Variants in DHX32 observed in about 807,000 individuals in gnomAD.
The protein encoded by DHX32 is DEAH-box helicase 32 (putative), also known as putative pre-mRNA-splicing factor ATP-dependent RNA helicase DHX32.
Under a neutral mutation model 70.0 loss-of-function variants are expected in DHX32, and 51 were observed. The observed-to-expected ratio is 0.73, with a 90% CI of 0.58 to 0.92. DHX32 has a LOEUF of 0.92. DHX32 is among the 40% of genes least tolerant of loss of function. The pLI, the probability that DHX32 is intolerant of heterozygous loss-of-function variation, is 0.00. For synonymous variants in DHX32, 310 were observed against 315.3 expected (o/e 0.98, Z 0.18); for missense variants, 762 against 891.8 (o/e 0.85, Z 1.85).
At chr10:125,838,144 A>G in intron 10 of DHX32, 62 bp downstream of exon 10, 1 of 1,457,358 alleles carries the variant, frequency 6.9e-7, no homozygotes, top group African/African-American at 1.4e-5. Flanking sequence ...CAAATTTGTC[A>G]TTTACTCCTA....
intron 1 of DHX32, among the ~76,000 whole-genome samples, chr10:125,878,355 T>C (rs935188978): frequency 8.5e-5 from 13 of 152,226 alleles, no homozygotes; most frequent in African/African-American, 2.9e-4. Context: ...AAAGAAGACA[T>C]CGACTTACAT....
chr10:125,867,564 G>A (rs1001860556), intron 1 of DHX32, among the ~76,000 whole-genome samples: 21 of 152,106 alleles, frequency 1.4e-4, no homozygotes, highest in African/African-American at 3.4e-4. Context: ...GTGAAACCCC[G>A]TCTCTACTTA....
chr10:125,846,928 C>T (rs535328002), intron 6 of DHX32, among the ~76,000 whole-genome samples: 63 of 152,268 alleles, frequency 4.1e-4, no homozygotes, highest in Non-Finnish European at 6.5e-4. Context: ...TAGTACCCAT[C>T]GCGGCCTGGG....
intron 2 of DHX32, among the ~76,000 whole-genome samples, chr10:125,865,965 C>T (rs11244678): frequency 0.38 from 57,186 of 152,116 alleles, 11,243 homozygotes; most frequent in Non-Finnish European, 0.44. Context: ...GATATGAGCA[C>T]GTGAAAAACC....
intron 1 of DHX32, among the ~76,000 whole-genome samples, chr10:125,870,246 A>G (rs1206182403): frequency 6.6e-6 from 1 of 152,124 alleles, no homozygotes; most frequent in African/African-American, 2.4e-5. Flanking sequence ...GCAAGGCAGG[A>G]GGCTAAGGGA....
Position 125,867,090 on chromosome 10 carries a change from G to A in DHX32, c.376C>T (p.Leu126Phe), listed in dbSNP as rs1164181189. Residue 126 changes from leucine to phenylalanine, a missense_variant, in exon 2 of 11, where the codon CTC becomes TTC. Physicochemically the swap from Leu to Phe is conservative, Grantham distance 22 (BLOSUM62 0). This residue lies in a region of DHX32 where 394 missense variants were observed against 473.1 expected (regional missense o/e 0.83). Transcript: ENST00000284690. ...ATTTCATCCGCCACCCGCAGGGCGA[G>A]CTGGACCACAGTCTGCTTGTGGACC... ...TQVHKQTVVQ[L>F]ALRVADEMDV... 1.2e-6 allele frequency: 2 copies of A among 1,614,108 alleles called. No individual in the cohort carries two copies. Among genetic ancestry groups the A allele is most frequent in the Admixed American group, 3.3e-5 (2 of 60,010 alleles).
chr10:125,853,950 AT>A lies in DHX32; in HGVS notation c.1092+10del, dbSNP rs1224478045. The A allele has an allele frequency of 1.2e-6, 2 of 1,612,516 alleles. No homozygotes were observed. ...ATCAGCAGTCTGTTTAGCCTACTCA[AT>A]AATAATTACCTTTCTTCTTTCCACA... is the stretch of plus-strand genomic sequence containing the variant. On this transcript the variant is annotated intron_variant, in intron 4 of 10. Coordinates refer to ENST00000284690, the MANE Select transcript of DHX32 (RefSeq NM_018180.3).
At chr10:125,853,125 G>A in intron 4 of DHX32, 2 of 1,600,566 alleles carry the variant, frequency 1.2e-6, no homozygotes, top group African/African-American at 1.3e-5. Context: ...TTCCTTACAG[G>A]TGGTTCACGG....
At chr10:125,853,373 T>TC (rs1462940732) in intron 4 of DHX32, 5 of 488,156 alleles carry the variant, frequency 1.0e-5, no homozygotes, top group Non-Finnish European at 1.8e-5. Context: ...TTCTGAAGTC[T>TC]CAGTGTCTTT....
upstream of DHX32, among the ~76,000 whole-genome samples, chr10:125,883,588 C>T (rs1372550975): frequency 6.6e-6 from 1 of 152,112 alleles, no homozygotes; most frequent in Non-Finnish European, 1.5e-5. Context: ...ATGACTGCAA[C>T]CCCAGCCAAC....
intron 2 of DHX32, among the ~76,000 whole-genome samples, chr10:125,862,821 T>A (rs565645089): frequency 6.6e-6 from 1 of 151,748 alleles, no homozygotes; most frequent in African/African-American, 2.4e-5. Context: ...CACAACTGCA[T>A]CCCAGTCTGT....
intron 4 of DHX32, 141 bp downstream of exon 4, chr10:125,853,820 C>T (rs192423820): frequency 1.0e-6 from 1 of 984,844 alleles, no homozygotes; most frequent in Non-Finnish European, 1.5e-6. Context: ...AATAATTCTT[C>T]TTTGCACTCA....
At chr10:125,885,569 G>A (rs1443982155), upstream of DHX32, among the ~76,000 whole-genome samples, 1 of 152,168 alleles carries the variant, frequency 6.6e-6, no homozygotes, top group Non-Finnish European at 1.5e-5. Flanking sequence ...GGAGCTAGAA[G>A]AGGCAAGGAA....
At chr10:125,863,165 A>G (rs996265637) in intron 2 of DHX32, among the ~76,000 whole-genome samples, 1 of 151,860 alleles carries the variant, frequency 6.6e-6, no homozygotes, top group Admixed American at 6.6e-5. Flanking sequence ...AAAACAGAAA[A>G]GACCACCATT....
chr10:125,862,265 G>A (rs950868870), intron 2 of DHX32, among the ~76,000 whole-genome samples: 6 of 152,210 alleles, frequency 3.9e-5, no homozygotes, highest in Admixed American at 2.6e-4. Flanking sequence ...TGAGATCAAA[G>A]TGTATGCCCT....
At chr10:125,873,639 T>G (rs868088247) in intron 1 of DHX32, among the ~76,000 whole-genome samples, 1 of 152,204 alleles carries the variant, frequency 6.6e-6, no homozygotes, top group Non-Finnish European at 1.5e-5. Context: ...GTTTTTAAGT[T>G]TGCAAGTCTT....
intron 1 of DHX32, among the ~76,000 whole-genome samples, chr10:125,873,651 A>C (rs1944268417): frequency 6.6e-6 from 1 of 152,210 alleles, no homozygotes; most frequent in Non-Finnish European, 1.5e-5. Flanking sequence ...GCAAGTCTTA[A>C]TGGTTTCAAC....
At chr10:125,850,094 CAGCT>C (rs944235739) in intron 6 of DHX32, among the ~76,000 whole-genome samples, 1 of 148,398 alleles carries the variant, frequency 6.7e-6, no homozygotes. Context: ...GCTTCCCAAA[CAGCT>C]AGTACTACAG....
rs140992376 is a variant in DHX32 at position 125,852,903 on chromosome 10, T to C, written c.1093-261A>G. Among the ~76,000 whole-genome samples the C allele has an allele frequency of 2.1e-4, 32 of 152,350 alleles. No homozygotes were observed. In the East Asian group the frequency reaches 2.7e-3, roughly 13 times the overall value. On this transcript the variant is annotated intron_variant, in intron 4 of 10. Transcript: ENST00000284690. Reference sequence around the variant, plus strand: ...ACCTTTGTGTCATCTGCTGAAATACTAGCACTGTCACTTCTCAAAGCACTG... The same window carrying C: ...ACCTTTGTGTCATCTGCTGAAATACCAGCACTGTCACTTCTCAAAGCACTG...
Sources: allele counts gnomAD v4.1 joint callset (sites outside exome capture counted in the v4.1 genomes callset), GRCh38; gene constraint gnomAD v4.1.1; regional missense constraint gnomAD v4.1.1; transcripts MANE v1.5; gene names NCBI Gene and HGNC (gene_info 2026-07-23, HGNC 2026-07-21).